SBSPON: variants seen among roughly 807,000 people sequenced by gnomAD.
SBSPON encodes somatomedin B and thrombospondin type 1 domain containing.
Under a neutral mutation model 35.8 loss-of-function variants are expected in SBSPON, and 30 were observed. The observed-to-expected ratio is 0.84, with a 90% confidence interval of 0.63 to 1.14. The LOEUF (loss-of-function observed/expected upper bound fraction) is 1.14, where lower values mean the gene tolerates loss of function less well. Ranked by LOEUF, SBSPON falls within the 50% of genes most tolerant of loss-of-function variation. The pLI is 0.00. For missense variants in SBSPON, 364 were observed against 357.7 expected (o/e 1.02, Z -0.14); for synonymous variants, 136 against 135.9 (o/e 1.00, Z 0.00).
At chr8:73,090,649 A>G (rs1285710161) in intron 1 of SBSPON, among the ~76,000 whole-genome samples, 1 of 152,146 alleles carries the variant, frequency 6.6e-6, no homozygotes, top group African/African-American at 2.4e-5. Flanking sequence ...GAATTTCTCA[A>G]CACGGAGCTT....
intron 2 of SBSPON, among the ~76,000 whole-genome samples, chr8:73,080,359 C>T (rs1397133426): frequency 6.6e-6 from 1 of 151,846 alleles, no homozygotes; most frequent in African/African-American, 2.4e-5. Flanking sequence ...CTAAAAAATA[C>T]AAAAAATTAG....
chr8:73,078,808 C>T (rs1190046445), intron 2 of SBSPON, among the ~76,000 whole-genome samples: 2 of 152,086 alleles, frequency 1.3e-5, no homozygotes, highest in Admixed American at 6.5e-5. Flanking sequence ...ATATGACCAC[C>T]GTATCAATGG....
At chr8:73,080,898 G>C in intron 2 of SBSPON, 121 bp downstream of exon 2, 1 of 816,930 alleles carries the variant, frequency 1.2e-6, no homozygotes, top group South Asian at 2.5e-5. Context: ...GGGCAGCCTG[G>C]CCCATACCAC....
intron 1 of SBSPON, among the ~76,000 whole-genome samples, chr8:73,087,402 C>T (rs1554563609): frequency 1.6e-4 from 25 of 152,164 alleles, no homozygotes; most frequent in Non-Finnish European, 2.9e-5. Flanking sequence ...GGGAGAGCGC[C>T]TGGTATGGAG....
chr8:73,091,291 T>C (rs1168367437), intron 1 of SBSPON, among the ~76,000 whole-genome samples: 2 of 152,240 alleles, frequency 1.3e-5, no homozygotes, highest in Admixed American at 6.5e-5. Flanking sequence ...CTTGAATTCC[T>C]TGGGTCTTTT....
intron 1 of SBSPON, among the ~76,000 whole-genome samples, chr8:73,090,374 G>A (rs1339428535): frequency 1.3e-5 from 2 of 152,260 alleles, no homozygotes; most frequent in Non-Finnish European, 1.5e-5. Flanking sequence ...GAATCTGTGA[G>A]AGGGAAGGCT....
Position 73,093,045 on chromosome 8 carries a change from A to T in SBSPON, c.23T>A (p.Leu8Gln). The change falls in exon 1 of 5, where the codon CTG becomes CAG. Residue 8 changes from leucine (L) to glutamine (Q), a missense_variant. Physicochemically the swap from Leu to Gln is moderately radical, Grantham distance 113. Coordinates refer to ENST00000297354, the MANE Select transcript of SBSPON (RefSeq NM_153225.4). Reference sequence around the variant, plus strand: ...GGGCCACAGCCGCGACAGCGCGCACAGCGCCATCCACAGGGTCCTCATGGC... The same window carrying T: ...GGGCCACAGCCGCGACAGCGCGCACTGCGCCATCCACAGGGTCCTCATGGC... MRTLWMA[L>Q]CALSRLWPGA... 1 of 1,374,540 alleles carries T rather than the reference A, an allele frequency of 7.3e-7. No individual in the cohort carries two copies. The highest frequency in any genetic ancestry group is 9.3e-7 in the Non-Finnish European group (1 of 1,069,660). The allele number at this position is 1,374,540 out of a possible 1,614,324, so 85.1% of individuals were successfully genotyped here.
chr8:73,090,440 G>T (rs1264177894), intron 1 of SBSPON, among the ~76,000 whole-genome samples: 2 of 152,246 alleles, frequency 1.3e-5, no homozygotes, highest in African/African-American at 4.8e-5. Flanking sequence ...CTCTGAGCCC[G>T]GGAGGCAGGC....
At chr8:73,079,708 T>A (rs1364740414) in intron 2 of SBSPON, among the ~76,000 whole-genome samples, 3 of 152,010 alleles carry the variant, frequency 2.0e-5, no homozygotes, top group African/African-American at 7.2e-5. Flanking sequence ...TCCCTGCACC[T>A]CTCACTCGTT....
At chr8:73,077,639 A>G (rs1446450484) in intron 2 of SBSPON, among the ~76,000 whole-genome samples, 1 of 152,284 alleles carries the variant, frequency 6.6e-6, no homozygotes, top group Non-Finnish European at 1.5e-5. Context: ...AATGAAACAC[A>G]TAAGTGAATG....
At chr8:73,075,267 C>T (rs894414931) in intron 2 of SBSPON, among the ~76,000 whole-genome samples, 16 of 152,218 alleles carry the variant, frequency 1.1e-4, no homozygotes, top group South Asian at 2.1e-4. Context: ...AGGGCTGTCC[C>T]CAGGCCTTGG....
At chr8:73,089,246 T>C (rs1810888953) in intron 1 of SBSPON, among the ~76,000 whole-genome samples, 1 of 152,208 alleles carries the variant, frequency 6.6e-6, no homozygotes, top group Admixed American at 6.5e-5. Context: ...GGACCTGACC[T>C]GCCTTTCTTA....
In SBSPON at chr8:73,071,838, T is replaced by C; in HGVS notation, c.442A>G (p.Lys148Glu). Residue 148 changes from lysine (K) to glutamate (E), a missense_variant, in exon 3 of 5, where the codon AAG (lysine) becomes GAG (glutamate). By Grantham distance (56) the Lys-to-Glu change is moderately conservative (BLOSUM62 1). Coordinates refer to ENST00000297354, the MANE Select transcript of SBSPON (RefSeq NM_153225.4). ...PAFITTSAFN[K>E]ERTRQATSPH... Reference sequence around the variant, plus strand: ...GACGTAGCTTGTCGTGTTCTCTCCTTGTTGAATGCAGAGGTAGTTATAAAG... The same window carrying C: ...GACGTAGCTTGTCGTGTTCTCTCCTCGTTGAATGCAGAGGTAGTTATAAAG... 6.2e-7 allele frequency: 1 copy of C among 1,611,204 alleles called. No individual in the cohort carries two copies. The highest frequency in any genetic ancestry group is 8.5e-7 in the Non-Finnish European group (1 of 1,177,396).
chr8:73,071,582 G>A (rs899606933), intron 3 of SBSPON, among the ~76,000 whole-genome samples, 198 bp downstream of exon 3: 5 of 152,220 alleles, frequency 3.3e-5, no homozygotes, highest in Non-Finnish European at 7.4e-5. Flanking sequence ...GACCTAAGAG[G>A]TAGATATATC....
chr8:73,071,331 T>C (rs1233837609), intron 3 of SBSPON, among the ~76,000 whole-genome samples: 1 of 152,174 alleles, frequency 6.6e-6, no homozygotes, highest in Non-Finnish European at 1.5e-5. Flanking sequence ...TGGTATCCCT[T>C]ATCTGACAGC....
chr8:73,070,212 T>C (rs993942312), intron 3 of SBSPON, among the ~76,000 whole-genome samples: 8 of 152,210 alleles, frequency 5.3e-5, no homozygotes, highest in Non-Finnish European at 1.0e-4. Flanking sequence ...CAGTCCATCA[T>C]TGAGCTCTCT....
At chr8:73,074,340 A>G (rs1403003568) in intron 2 of SBSPON, among the ~76,000 whole-genome samples, 1 of 152,200 alleles carries the variant, frequency 6.6e-6, no homozygotes, top group African/African-American at 2.4e-5. Context: ...ATTCTTGGAA[A>G]AGGTTCTATA....
intron 4 of SBSPON, among the ~76,000 whole-genome samples, chr8:73,067,839 C>T (rs1338003481): frequency 1.3e-5 from 2 of 149,786 alleles, no homozygotes; most frequent in African/African-American, 2.5e-5. Context: ...CCACTGCACC[C>T]GGTTCCCCAA....
Position 73,092,965 on chromosome 8 carries a change from C to A in SBSPON, c.103G>T (p.Ala35Ser), listed in dbSNP as rs1810965354. The A allele has an allele frequency of 6.3e-7, 1 of 1,596,896 alleles. No homozygotes were observed. Among genetic ancestry groups the A allele is most frequent in the Non-Finnish European group, 8.5e-7 (1 of 1,173,648 alleles). ...AGCCTCCAGCCGCGGGCGAAGCAGGCGGGGTCCCGGCCGGGACAGCAGCGC... is the reference window on the plus strand; with the variant it reads ...AGCCTCCAGCCGCGGGCGAAGCAGGAGGGGTCCCGGCCGGGACAGCAGCGC... ...AGRCCPGRDPACFARGWRLDR... is the reference protein window; with the variant it reads ...AGRCCPGRDPSCFARGWRLDR... Residue 35 changes from alanine (A) to serine (S), a missense_variant, in exon 1 of 5, where the codon GCC (alanine) becomes TCC (serine). By Grantham distance (99) the Ala-to-Ser change is moderately conservative (BLOSUM62 1). Coordinates refer to ENST00000297354, the MANE Select transcript of SBSPON (RefSeq NM_153225.4).
Sources: allele counts gnomAD v4.1 joint callset (sites outside exome capture counted in the v4.1 genomes callset), GRCh38; gene constraint gnomAD v4.1.1; transcripts MANE v1.5; gene names NCBI Gene and HGNC (gene_info 2026-07-23, HGNC 2026-07-21).